Variants in PPEF1 observed in about 807,000 individuals in gnomAD.
The protein encoded by PPEF1 is protein phosphatase with EF-hand domain 1, also known as serine/threonine-protein phosphatase with EF-hands 1.
PPEF1 carries 12 observed loss-of-function variants against 53.3 expected under a neutral mutation model. That is an observed-to-expected ratio of 0.23 (90% CI 0.14 to 0.36). The LOEUF is 0.36. PPEF1 is among the 10% of genes least tolerant of loss of function. The pLI, the probability that PPEF1 is intolerant of heterozygous loss-of-function variation, is 1.00. For synonymous variants in PPEF1, 165 were observed against 176.7 expected, an observed-to-expected ratio of 0.93 and a Z score of 0.52; for missense variants, 334 against 490.4, an observed-to-expected ratio of 0.68 and a Z score of 3.01.
intron 10 of PPEF1, among the ~76,000 whole-genome samples, chrX:18,799,100 G>A (rs1159349692): frequency 9.0e-6 from 1 of 111,479 alleles, no homozygotes; most frequent in Non-Finnish European, 1.9e-5. Context: ...GCCGGGCGTG[G>A]TGGCGCATGC....
chrX:18,691,377 T>C (rs1007973418), intron 4 of PPEF1: 2 of 111,680 alleles, frequency 1.8e-5, no homozygotes, highest in Non-Finnish European at 3.8e-5. Context: ...AATGAAGATG[T>C]CTGAGGACCT....
Position 18,695,071 on chromosome X carries a change from C to T in PPEF1, c.-312-2774C>T, listed in dbSNP as rs1301106345. ...CTGGGCCCTCTACGTCAGCATCTGT[C>T]GTGAGCTGCTGCACACAATGTGTTG... On this transcript the variant is annotated intron_variant, in intron 4 of 21. Coordinates refer to the PPEF1 transcript ENST00000361511. Among the ~76,000 whole-genome samples, 5 of 112,153 alleles carry T rather than the reference C, an allele frequency of 4.5e-5. No individual in the cohort carries two copies. The Admixed American group carries it at 4.7e-4, about 11-fold the overall frequency.
At chrX:18,742,917 T>G (rs1481135626) in intron 3 of PPEF1, among the ~76,000 whole-genome samples, 1 of 112,081 alleles carries the variant, frequency 8.9e-6, no homozygotes, top group Non-Finnish European at 1.9e-5. Flanking sequence ...TAGGCTATTC[T>G]GGACTTCTTT....
chrX:18,759,973 A>G (rs1442720589), intron 5 of PPEF1, among the ~76,000 whole-genome samples: 1 of 111,867 alleles, frequency 8.9e-6, no homozygotes, highest in African/African-American at 3.2e-5. Flanking sequence ...TTGGATATTC[A>G]CATAGTCACT....
chrX:18,801,843 G>T (rs1466696471), intron 10 of PPEF1, among the ~76,000 whole-genome samples: 1 of 108,993 alleles, frequency 9.2e-6, no homozygotes, highest in Non-Finnish European at 1.9e-5. Flanking sequence ...AATTAGCCAG[G>T]TGTTGTGGCG....
intron 1 of PPEF1, among the ~76,000 whole-genome samples, chrX:18,723,872 C>T (rs6654047): frequency 0.067 from 7,354 of 109,660 alleles, 644 homozygotes; most frequent in African/African-American, 0.23. Flanking sequence ...CTCTGCCTCC[C>T]GGGTTCAAGT....
intron 3 of PPEF1, among the ~76,000 whole-genome samples, chrX:18,744,252 G>C (rs2045273470): frequency 8.9e-6 from 1 of 112,047 alleles, no homozygotes; most frequent in African/African-American, 3.2e-5. Context: ...GGGGCCACCA[G>C]ATTAATGGTC....
At chrX:18,784,679 C>T (rs765829954) in intron 9 of PPEF1, among the ~76,000 whole-genome samples, 5 of 110,871 alleles carry the variant, frequency 4.5e-5, no homozygotes, top group African/African-American at 6.6e-5. Context: ...TGAATTGATA[C>T]GATTTCCCAC....
At chrX:18,741,384 T>C (rs1245411365) in intron 3 of PPEF1, among the ~76,000 whole-genome samples, 2 of 112,028 alleles carry the variant, frequency 1.8e-5, no homozygotes, top group African/African-American at 6.5e-5. Context: ...CAGACTGTGT[T>C]GTCATTGTTG....
At chrX:18,714,783 A>ACGTTTGAT (rs1205810559) in intron 1 of PPEF1, among the ~76,000 whole-genome samples, 1 of 112,213 alleles carries the variant, frequency 8.9e-6, no homozygotes, top group African/African-American at 3.2e-5. Flanking sequence ...CCTGTAACAT[A>ACGTTTGAT]CGTTTGATCC....
chrX:18,757,418 TG>T (rs1208314354), intron 4 of PPEF1, among the ~76,000 whole-genome samples: 1 of 110,877 alleles, frequency 9.0e-6, no homozygotes, highest in African/African-American at 3.3e-5. Context: ...CCTGGGATGA[TG>T]ATTCATTTTC....
chrX:18,702,695 C>T (rs1306084786), upstream of PPEF1, among the ~76,000 whole-genome samples: 1 of 110,010 alleles, frequency 9.1e-6, no homozygotes, highest in Non-Finnish European at 1.9e-5. Context: ...TTATCAGTTC[C>T]ACCCAGTCAC....
At chrX:18,709,610 G>T (rs1446108833) in intron 1 of PPEF1, among the ~76,000 whole-genome samples, 18 of 108,025 alleles carry the variant, frequency 1.7e-4, no homozygotes, top group Non-Finnish European at 2.3e-4. Context: ...CGATTCTCCT[G>T]CCTCAGCCTC....
chrX:18,806,533 C>T lies in PPEF1; in HGVS notation c.1382C>T (p.Pro461Leu). Residue 461 changes from proline to leucine, a missense_variant, in exon 12 of 16, where the codon CCT becomes CTT. Coordinates refer to ENST00000470157, the MANE Select transcript of PPEF1 (RefSeq NM_001377996.1). ...YQVTKATCFQ[P>L]LRQRVDTMEN... is the part of the protein sequence containing the mutation. ...GTAACTAAAGCAACGTGCTTTCAGC[C>T]TCTTCGCCAAAGGTGTGTATACTAT... 1.3e-5 allele frequency: 16 copies of T among 1,208,413 alleles called. No homozygotes were observed. Among genetic ancestry groups the T allele is most frequent in the Non-Finnish European group, 1.8e-5 (16 of 893,761 alleles).
At chrX:18,801,148 G>C (rs1258095937) in intron 10 of PPEF1, among the ~76,000 whole-genome samples, 2 of 112,006 alleles carry the variant, frequency 1.8e-5, no homozygotes, top group Non-Finnish European at 3.8e-5. Flanking sequence ...GCTGATGTTG[G>C]AATTCAGTGG....
chrX:18,691,471 T>C (rs1343522150), intron 4 of PPEF1: 2 of 111,816 alleles, frequency 1.8e-5, no homozygotes, highest in African/African-American at 6.5e-5. Context: ...AACCTCATGA[T>C]GGTCTTGCAA....
At chrX:18,753,204 C>T (rs2045479168) in intron 4 of PPEF1, among the ~76,000 whole-genome samples, 1 of 71,345 alleles carries the variant, frequency 1.4e-5, no homozygotes, top group African/African-American at 5.3e-5. Flanking sequence ...TTTTTTATTT[C>T]TTCTTGAGTC....
intron 12 of PPEF1, among the ~76,000 whole-genome samples, chrX:18,809,381 G>A (rs1163401520): frequency 9.1e-6 from 1 of 110,212 alleles, no homozygotes; most frequent in Non-Finnish European, 1.9e-5. Context: ...GTCTGTACAT[G>A]TTAAGTACAG....
intron 1 of PPEF1, among the ~76,000 whole-genome samples, chrX:18,714,079 T>C (rs1380946547): frequency 9.0e-6 from 1 of 111,266 alleles, no homozygotes; most frequent in Non-Finnish European, 1.9e-5. Context: ...GCTATAAATA[T>C]TTTGAAAGCT....
Sources: gnomAD v4.1 joint callset for allele counts (sites outside exome capture counted in the v4.1 genomes callset) on GRCh38, gnomAD v4.1.1 for gene constraint, MANE v1.5 for transcripts, NCBI Gene and HGNC (gene_info 2026-07-23, HGNC 2026-07-21) for gene names.